CABYR: variants seen among roughly 807,000 people sequenced by gnomAD.
The protein encoded by CABYR is calcium binding tyrosine phosphorylation regulated.
A neutral mutation model predicts 36.1 loss-of-function variants in CABYR; 31 were observed. That is an observed-to-expected ratio of 0.86 (90% CI 0.64 to 1.16). CABYR has a LOEUF of 1.16. CABYR is among the 50% of genes most tolerant of loss of function. CABYR has a pLI of 0.00. For synonymous variants in CABYR, 146 were observed against 160.7 expected, an observed-to-expected ratio of 0.91 and a Z score of 0.69; for missense variants, 429 against 455.8, an observed-to-expected ratio of 0.94 and a Z score of 0.53.
chr18:24,151,379 C>A (rs1055174295), intron 3 of CABYR, among the ~76,000 whole-genome samples: 3 of 152,168 alleles, frequency 2.0e-5, no homozygotes, highest in Admixed American at 2.0e-4. Flanking sequence ...AACCAGATCA[C>A]CAAAGTCATA....
intron 5 of CABYR, among the ~76,000 whole-genome samples, chr18:24,160,458 AAGAG>A (rs910738329): frequency 2.6e-5 from 4 of 152,216 alleles, no homozygotes; most frequent in African/African-American, 7.2e-5. Context: ...AGAGCAAGGT[AAGAG>A]AGAAAGTCTT....
chr18:24,158,702 T>C (rs1401019737), intron 4 of CABYR, among the ~76,000 whole-genome samples: 1 of 152,130 alleles, frequency 6.6e-6, no homozygotes, highest in Non-Finnish European at 1.5e-5. Context: ...ACTCGGCACA[T>C]TTGGGCAAAG....
chr18:24,159,729 GT>G lies in CABYR; in HGVS notation c.801del (p.Gln268ArgfsTer21), dbSNP rs777291339. ...ACCTTTTATCTTAGTAGGCTCAAAT[GT>G]TCAGGAAGCACAGGGATGGAAACCT... ...APPFILVGSN[V>X]QEAQGWKPLP... is the part of the protein sequence containing the mutation. On this transcript the variant is annotated frameshift_variant, in exon 5 of 6. Coordinates refer to ENST00000399496, the MANE Select transcript of CABYR (RefSeq NM_153769.3). LOFTEE classifies it high-confidence loss of function. The G allele has an allele frequency of 3.1e-6, 5 of 1,613,882 alleles. No individual in the cohort carries two copies. In the East Asian group the frequency reaches 1.1e-4, roughly 36 times the overall value.
chr18:24,143,363 A>C lies in CABYR; in HGVS notation c.149A>C (p.Asn50Thr), dbSNP rs778246347. Residue 50 changes from asparagine to threonine, a missense_variant, in exon 3 of 6, where the codon AAT becomes ACT. Asn to Thr is a moderately conservative substitution (Grantham distance 65). Transcript: ENST00000399496. ...YFQELTMYRG[N>T]TTMDIKDLVK... Reference sequence around the variant, plus strand: ...TTTCCTGTATTGATTCCTTCAGGGAATACTACTATGGATATAAAAGATCTG... The same window carrying C: ...TTTCCTGTATTGATTCCTTCAGGGACTACTACTATGGATATAAAAGATCTG... 7.5e-6 allele frequency: 12 copies of C among 1,590,836 alleles called. No individual in the cohort carries two copies. The highest frequency in any genetic ancestry group is 1.0e-5 in the Non-Finnish European group (12 of 1,163,708).
intron 4 of CABYR, among the ~76,000 whole-genome samples, chr18:24,157,423 A>T (rs2085820342): frequency 1.3e-5 from 2 of 152,196 alleles, no homozygotes; most frequent in Admixed American, 6.5e-5. Flanking sequence ...ATGGCATTTT[A>T]AAAAGTGAAA....
intron 3 of CABYR, among the ~76,000 whole-genome samples, chr18:24,145,735 G>C (rs2085444236): frequency 6.6e-6 from 1 of 152,090 alleles, no homozygotes; most frequent in Non-Finnish European, 1.5e-5. Flanking sequence ...TGCAGGTTGG[G>C]CCCAGCCAAA....
intron 1 of CABYR, among the ~76,000 whole-genome samples, chr18:24,141,439 G>A (rs2085318646): frequency 6.6e-6 from 1 of 152,010 alleles, no homozygotes; most frequent in Admixed American, 6.6e-5. Context: ...ATTTCTCCTG[G>A]GTTTCAGTAT....
intron 1 of CABYR, among the ~76,000 whole-genome samples, chr18:24,142,316 C>A (rs1389765194): frequency 6.7e-6 from 1 of 149,884 alleles, no homozygotes; most frequent in African/African-American, 2.5e-5. Context: ...GAGACTCCAT[C>A]TCAAAAAAAA....
At position 24,143,430 on chromosome 18, in the gene CABYR, G is replaced by A. The variant is rs1468951138; in HGVS notation, c.199+17G>A. ...AGATTAAAGGTAAGTACCACAAGTAGTAATAGTTTTAATAATGATGTTTAT... is the reference window on the plus strand; with the variant it reads ...AGATTAAAGGTAAGTACCACAAGTAATAATAGTTTTAATAATGATGTTTAT... On this transcript the variant is annotated intron_variant, in intron 3 of 5. Transcript: ENST00000399496. The A allele has an allele frequency of 1.4e-6, 2 of 1,406,700 alleles. No individual in the cohort carries two copies. The highest frequency in any genetic ancestry group is 2.0e-6 in the Non-Finnish European group (2 of 1,016,718). The allele number at this position is 1,406,700 out of a possible 1,614,324, so 87.1% of individuals were successfully genotyped here. A position where few individuals can be genotyped will look rare whatever the true frequency, so the allele number is the denominator to read the frequency against.
At chr18:24,140,517 G>T (rs2085289464) in intron 1 of CABYR, among the ~76,000 whole-genome samples, 1 of 147,704 alleles carries the variant, frequency 6.8e-6, no homozygotes, top group African/African-American at 2.5e-5. Context: ...CATTGGGAAT[G>T]GGGCATCTAT....
chr18:24,154,810 G>A (rs752697330), intron 3 of CABYR, among the ~76,000 whole-genome samples: 19 of 152,128 alleles, frequency 1.2e-4, no homozygotes, highest in Non-Finnish European at 2.4e-4. Flanking sequence ...TTTTGTATAT[G>A]TCATCAGCTG....
At chr18:24,159,367 C>T in intron 4 of CABYR, 105 bp from the exon 5 acceptor site, 1 of 766,712 alleles carries the variant, frequency 1.3e-6, no homozygotes, top group South Asian at 1.7e-5. Context: ...CGGTACATAT[C>T]ACTACAGCTG....
chr18:24,156,369 A>C (rs777723313), intron 4 of CABYR: 3 of 1,614,208 alleles, frequency 1.9e-6, no homozygotes, highest in Non-Finnish European at 1.7e-6. Context: ...GGTTATGTCA[A>C]CTGTTCATAT....
chr18:24,142,027 C>T (rs775276854), intron 1 of CABYR, among the ~76,000 whole-genome samples: 1 of 152,112 alleles, frequency 6.6e-6, no homozygotes, highest in Admixed American at 6.6e-5. Flanking sequence ...AAAATGCACA[C>T]TTAAACATGA....
At chr18:24,160,330 G>A in intron 5 of CABYR, 1 of 451,930 alleles carries the variant, frequency 2.2e-6, no homozygotes, top group Admixed American at 4.0e-5. Context: ...AGTCACCTTT[G>A]AATACCTAGT....
At chr18:24,141,405 G>T (rs2085317599) in intron 1 of CABYR, among the ~76,000 whole-genome samples, 1 of 152,144 alleles carries the variant, frequency 6.6e-6, no homozygotes, top group South Asian at 2.1e-4. Flanking sequence ...CACACTATTT[G>T]CTTTATAAGG....
chr18:24,143,370 T>C lies in CABYR; in HGVS notation c.156T>C (p.Thr52=). The change falls in exon 3 of 6, where the codon ACT becomes ACC. Residue 52 remains threonine, a synonymous_variant. Coordinates refer to ENST00000399496, the MANE Select transcript of CABYR (RefSeq NM_153769.3). The part of the protein sequence containing the change: ...QELTMYRGNT[T]MDIKDLVKQF... Reference sequence around the variant, plus strand: ...TATTGATTCCTTCAGGGAATACTACTATGGATATAAAAGATCTGGTTAAAC... The same window carrying C: ...TATTGATTCCTTCAGGGAATACTACCATGGATATAAAAGATCTGGTTAAAC... 1 of 1,585,042 alleles carries C rather than the reference T, an allele frequency of 6.3e-7. No homozygotes were observed. Among genetic ancestry groups the C allele is most frequent in the African/African-American group, 1.3e-5 (1 of 74,218 alleles).
At chr18:24,151,519 G>A (rs1473025830) in intron 3 of CABYR, among the ~76,000 whole-genome samples, 1 of 152,126 alleles carries the variant, frequency 6.6e-6, no homozygotes, top group African/African-American at 2.4e-5. Context: ...AGTATTTAAA[G>A]CTAACCTTAA....
intron 4 of CABYR, chr18:24,157,132 A>AT: frequency 1.5e-6 from 1 of 659,090 alleles, no homozygotes; most frequent in Non-Finnish European, 2.6e-6. Context: ...TGCCAAAGCC[A>AT]TTTAAAGACT....
Sources: allele counts gnomAD v4.1 joint callset (sites outside exome capture counted in the v4.1 genomes callset), GRCh38; gene constraint gnomAD v4.1.1; transcripts MANE v1.5; gene names NCBI Gene and HGNC (gene_info 2026-07-23, HGNC 2026-07-21).